The following XKR9 variants were observed in gnomAD, a reference collection of about 807,000 sequenced individuals.
The protein encoded by XKR9 is XK related 9, also known as XK-related protein 9.
In XKR9, 32 loss-of-function variants were observed where a neutral mutation model predicts 32.0. The observed-to-expected ratio is 1.00, with a 90% CI of 0.76 to 1.34. The LOEUF (loss-of-function observed/expected upper bound fraction) is 1.34. Among genes scored for constraint, XKR9 ranks in the 40% most tolerant of loss-of-function variants. The pLI is 0.00. For synonymous variants in XKR9, 168 were observed against 143.4 expected, an observed-to-expected ratio of 1.17 and a Z score of -1.22; for missense variants, 546 against 429.7, an observed-to-expected ratio of 1.27 and a Z score of -2.39.
intron 2 of XKR9, among the ~76,000 whole-genome samples, chr8:70,766,874 G>A (rs1161215895): frequency 6.6e-6 from 1 of 152,110 alleles, no homozygotes; most frequent in Admixed American, 6.6e-5. Flanking sequence ...TTTGTCATTG[G>A]TTCTGTTTAT....
chr8:71,019,559 A>G, the XKR9 span, among the ~76,000 whole-genome samples: 1 of 152,192 alleles, frequency 6.6e-6, no homozygotes, highest in African/African-American at 2.4e-5. Context: ...ACTTTCCTTT[A>G]GAGTCTTTAG....
intron 4 of XKR9, among the ~76,000 whole-genome samples, chr8:70,714,211 G>A (rs941969642): frequency 3.3e-5 from 5 of 151,960 alleles, no homozygotes; most frequent in African/African-American, 1.2e-4. Context: ...CCTCCTTATA[G>A]GCTGTATGTC....
chr8:71,047,157 A>T, the XKR9 span, among the ~76,000 whole-genome samples: 1 of 152,268 alleles, frequency 6.6e-6, no homozygotes, highest in Non-Finnish European at 1.5e-5. Context: ...TTGTGCAAAC[A>T]CATCATTAAC....
the XKR9 span, among the ~76,000 whole-genome samples, chr8:70,807,501 G>T: frequency 6.6e-6 from 1 of 152,124 alleles, no homozygotes; most frequent in Non-Finnish European, 1.5e-5. Flanking sequence ...CCATTGGTGT[G>T]CTGAATCCAG....
At chr8:71,050,286 GATATAGATATAT>G in the XKR9 span, among the ~76,000 whole-genome samples, 333 of 126,856 alleles carry the variant, frequency 2.6e-3, 1 homozygote, top group African/African-American at 9.4e-3. Flanking sequence ...TATAGATATA[GATATAGATATAT>G]ATATAGATAT....
chr8:70,945,651 A>T, the XKR9 span, among the ~76,000 whole-genome samples: 4 of 152,114 alleles, frequency 2.6e-5, no homozygotes, highest in African/African-American at 9.7e-5. Flanking sequence ...GCTGCAAAGG[A>T]GTATGCATTC....
At chr8:70,675,630 G>A (rs1221301523) in intron 2 of XKR9, among the ~76,000 whole-genome samples, 1 of 152,122 alleles carries the variant, frequency 6.6e-6, no homozygotes, top group African/African-American at 2.4e-5. Flanking sequence ...TCTTCTGCCA[G>A]GTACCCTAAA....
the XKR9 span, among the ~76,000 whole-genome samples, chr8:70,930,307 G>A: frequency 1.3e-5 from 2 of 152,074 alleles, no homozygotes; most frequent in African/African-American, 4.8e-5. Flanking sequence ...GCTGAATTGT[G>A]GGGGAGTAGG....
chr8:70,746,897 T>G (rs966152093), intron 2 of XKR9, among the ~76,000 whole-genome samples: 1 of 152,150 alleles, frequency 6.6e-6, no homozygotes. Flanking sequence ...ATGGGTAAAT[T>G]TTCAACCCTT....
chr8:70,804,877 A>G, the XKR9 span, among the ~76,000 whole-genome samples: 1 of 152,156 alleles, frequency 6.6e-6, no homozygotes, highest in Non-Finnish European at 1.5e-5. Context: ...AGTTTATATA[A>G]AAGAAAAAGA....
chr8:71,012,171 C>T, the XKR9 span, among the ~76,000 whole-genome samples: 10 of 152,142 alleles, frequency 6.6e-5, no homozygotes, highest in Non-Finnish European at 1.5e-4. Flanking sequence ...TCTTCGAGGA[C>T]TTGACAGCCA....
intron 4 of XKR9, among the ~76,000 whole-genome samples, chr8:70,727,461 C>A (rs1337829206): frequency 6.6e-6 from 1 of 151,686 alleles, no homozygotes; most frequent in Admixed American, 6.6e-5. Context: ...AGTGCAGTGG[C>A]GCGATCTTGG....
At chr8:70,885,486 G>A in the XKR9 span, among the ~76,000 whole-genome samples, 1 of 152,138 alleles carries the variant, frequency 6.6e-6, no homozygotes, top group Admixed American at 6.5e-5. Flanking sequence ...TGCCATGGAG[G>A]TTTGCCGCAC....
At chr8:70,917,553 G>A in the XKR9 span, among the ~76,000 whole-genome samples, 5 of 151,928 alleles carry the variant, frequency 3.3e-5, no homozygotes, top group African/African-American at 1.2e-4. Context: ...CTTAATGATG[G>A]GCTTATCAGG....
chr8:70,916,421 T>C, the XKR9 span, among the ~76,000 whole-genome samples: 1 of 152,216 alleles, frequency 6.6e-6, no homozygotes, highest in African/African-American at 2.4e-5. Context: ...TGGTTATGTG[T>C]ATATGGATCT....
chr8:70,922,933 C>T, the XKR9 span, among the ~76,000 whole-genome samples: 4 of 152,310 alleles, frequency 2.6e-5, no homozygotes, highest in African/African-American at 7.2e-5. Context: ...ATGCTGCCGA[C>T]GGGGCTCATG....
chr8:70,856,690 A>G, the XKR9 span, among the ~76,000 whole-genome samples: 3 of 152,140 alleles, frequency 2.0e-5, no homozygotes, highest in Non-Finnish European at 4.4e-5. Context: ...GCACCACACC[A>G]CAACTATTCC....
chr8:70,990,621 C>T, the XKR9 span, among the ~76,000 whole-genome samples: 7 of 152,126 alleles, frequency 4.6e-5, no homozygotes, highest in South Asian at 2.1e-4. Flanking sequence ...TATGAAGCCA[C>T]GTTCCATTTT....
chr8:70,685,577 C>T (rs1819241743), intron 3 of XKR9, among the ~76,000 whole-genome samples: 1 of 151,034 alleles, frequency 6.6e-6, no homozygotes, highest in South Asian at 2.1e-4. Flanking sequence ...AGTTCATGTC[C>T]TTTGCAGGAA....
Sources: gnomAD v4.1 joint callset for allele counts (sites outside exome capture counted in the v4.1 genomes callset) on GRCh38, gnomAD v4.1.1 for gene constraint, MANE v1.5 for transcripts, NCBI Gene and HGNC (gene_info 2026-07-23, HGNC 2026-07-21) for gene names.